The following ARHGAP1 variants were observed in gnomAD, a reference collection of about 807,000 sequenced individuals.
ARHGAP1 encodes the protein rho GTPase-activating protein 1.
In ARHGAP1, 23 loss-of-function variants were observed where a neutral mutation model predicts 52.2. That is an observed-to-expected ratio of 0.44 (90% CI 0.32 to 0.62). ARHGAP1 has a LOEUF of 0.62. ARHGAP1 is among the 20% of genes least tolerant of loss of function. The pLI, the probability that ARHGAP1 is intolerant of heterozygous loss-of-function variation, is 0.05. For synonymous variants in ARHGAP1, 210 were observed against 228.4 expected (o/e 0.92, Z 0.73); for missense variants, 480 against 560.9 (o/e 0.86, Z 1.46).
Position 46,678,494 on chromosome 11 carries a change from T to G in ARHGAP1, c.*543A>C, listed in dbSNP as rs1481592202. 6.0e-6 allele frequency: 1 copy of G among 167,762 alleles called. No individual in the cohort carries two copies. Among genetic ancestry groups the G allele is most frequent in the East Asian group, 1.9e-4 (1 of 5,342 alleles). The allele number at this position is 167,762 out of a possible 1,614,324, so 10.4% of individuals were successfully genotyped here. A position where few individuals can be genotyped will look rare whatever the true frequency, so the allele number is the denominator to read the frequency against. On this transcript the variant is annotated 3_prime_UTR_variant, in exon 13 of 13. Coordinates refer to ENST00000311956, the MANE Select transcript of ARHGAP1 (RefSeq NM_004308.5). ...CCTCAGCAGGGGAAATACCCCAGAC[T>G]GCGCTGCTGGGGGCAGTACAGGAGC...
Position 46,681,958 on chromosome 11 carries a change from G to A in ARHGAP1, c.449+93C>T. The stretch of plus-strand genomic sequence containing the variant: ...GGCAGCCCCCGCCACCCCCTGCCTT[G>A]GAATAAGCTCCTGCCCAAGTGGAGG... On this transcript the variant is annotated intron_variant, in intron 5 of 12. Transcript: ENST00000311956. This position sits in a 1 kb window ranked among gnomAD's most constrained non-coding sequence, Gnocchi z 5.7. 1 of 1,562,040 alleles carries A rather than the reference G, an allele frequency of 6.4e-7. No individual in the cohort carries two copies. Among genetic ancestry groups the A allele is most frequent in the Non-Finnish European group, 8.7e-7 (1 of 1,147,772 alleles).
In ARHGAP1 at chr11:46,680,526, T is replaced by G. The variant is rs368063556; in HGVS notation, c.781A>C (p.Ile261Leu). The stretch of plus-strand genomic sequence containing the variant: ...TAGGCAACAGTCTCCCTGAGTACAA[T>G]GGGAATGGGCTCCTGCTCTGGATTC... ...EKNPEQEPIP[I>L]VLRETVAYLQ... The change falls in exon 9 of 13, where the codon ATT becomes CTT. Residue 261 changes from isoleucine to leucine, a missense_variant. By Grantham distance (5) the Ile-to-Leu change is conservative. Transcript: ENST00000311956. The surrounding 1 kb of genome is among the most constrained non-coding windows in gnomAD (Gnocchi z 5.9). 2.1e-4 allele frequency: 332 copies of G among 1,613,910 alleles called. No homozygotes were observed. Among genetic ancestry groups the G allele is most frequent in the African/African-American group, 3.7e-4 (28 of 74,980 alleles).
chr11:46,680,391 C>T lies in ARHGAP1; in HGVS notation c.820+96G>A, dbSNP rs867261728. The stretch of plus-strand genomic sequence containing the variant: ...GCAGGGCTGGGTGGGGACGTTGAGG[C>T]TTGCAGGACCTCCCTCTGCCCTGCC... On this transcript the variant is annotated intron_variant, in intron 9 of 12. Transcript: ENST00000311956. The surrounding 1 kb of genome is among the most constrained non-coding windows in gnomAD (Gnocchi z 5.9). The T allele has an allele frequency of 2.5e-4, 391 of 1,575,016 alleles. 3 individuals carry two copies. In the Middle Eastern group the frequency reaches 2.9e-3, roughly 12 times the overall value.
chr11:46,681,001 C>A lies in ARHGAP1; in HGVS notation c.635+10G>T, dbSNP rs201828414. 75 of 1,613,230 alleles carry A rather than the reference C, an allele frequency of 4.6e-5. No individual in the cohort carries two copies. In the African/African-American group the frequency reaches 7.3e-4, roughly 16 times the overall value. On this transcript the variant is annotated intron_variant, in intron 7 of 12. Coordinates refer to ENST00000311956, the MANE Select transcript of ARHGAP1 (RefSeq NM_004308.5). The surrounding 1 kb of genome is among the most constrained non-coding windows in gnomAD (Gnocchi z 5.7). The stretch of plus-strand genomic sequence containing the variant: ...GCTTCACGAGCCCCCAGCCGCCGCA[C>A]CCGCCTCACTTGAGCACTTGGCGAG...
intron 1 of ARHGAP1, among the ~76,000 whole-genome samples, chr11:46,699,795 C>G (rs2064687249): frequency 6.6e-6 from 1 of 152,130 alleles, no homozygotes; most frequent in Admixed American, 6.5e-5. Flanking sequence ...TTACAACTCT[C>G]AACTACAATT....
chr11:46,685,954 A>C (rs1322268797), intron 4 of ARHGAP1, among the ~76,000 whole-genome samples: 1 of 148,632 alleles, frequency 6.7e-6, no homozygotes, highest in African/African-American at 2.5e-5. Flanking sequence ...GATTACAGGC[A>C]TGAGCCACCG....
chr11:46,697,871 C>A (rs2064668359), intron 1 of ARHGAP1, among the ~76,000 whole-genome samples: 2 of 152,148 alleles, frequency 1.3e-5, no homozygotes, highest in South Asian at 4.1e-4. Flanking sequence ...CCCTTCAACC[C>A]TTCAACCCTT....
At chr11:46,693,217 C>A (rs1241439805) in intron 3 of ARHGAP1, among the ~76,000 whole-genome samples, 2 of 151,616 alleles carry the variant, frequency 1.3e-5, no homozygotes, top group African/African-American at 4.9e-5. Context: ...AGGCTGGTCT[C>A]GAACTCCTGA....
chr11:46,681,347 A>G lies in ARHGAP1; in HGVS notation c.482T>C (p.Val161Ala). 1 of 1,613,676 alleles carries G rather than the reference A, an allele frequency of 6.2e-7. No individual in the cohort carries two copies. The highest frequency in any genetic ancestry group is 8.5e-7 in the Non-Finnish European group (1 of 1,179,578). The change falls in exon 6 of 13, where the codon GTG (valine) becomes GCG (alanine). Residue 161 changes from valine (V) to alanine (A), a missense_variant. Val to Ala is a moderately conservative substitution (Grantham distance 64, BLOSUM62 0). Transcript: ENST00000311956. This position sits in a 1 kb window ranked among gnomAD's most constrained non-coding sequence, Gnocchi z 5.7. Reference protein sequence around the residue: ...YKKNIKALYIVHPTMFIKTLL... With the variant: ...YKKNIKALYIAHPTMFIKTLL... ...AGTTTTGATGAACATGGTTGGATGCACGATGTACAAGGCCTTGATGTTTTT... is the reference window on the plus strand; with the variant it reads ...AGTTTTGATGAACATGGTTGGATGCGCGATGTACAAGGCCTTGATGTTTTT...
At chr11:46,698,646 G>C (rs952019941) in intron 1 of ARHGAP1, among the ~76,000 whole-genome samples, 22 of 151,018 alleles carry the variant, frequency 1.5e-4, no homozygotes, top group Middle Eastern at 3.5e-3. Context: ...AGCTGGGGTG[G>C]ATGTGAAGGA....
Position 46,680,412 on chromosome 11 carries a change from CT to C in ARHGAP1, c.820+74del. 1 of 1,593,842 alleles carries C rather than the reference CT, an allele frequency of 6.3e-7. No individual in the cohort carries two copies. Among genetic ancestry groups the C allele is most frequent in the Non-Finnish European group, 8.6e-7 (1 of 1,162,432 alleles). ...GAGGCTTGCAGGACCTCCCTCTGCC[CT>C]GCCCAGCAGCTTCCCCAGCTTCCTG... On this transcript the variant is annotated intron_variant, in intron 9 of 12. Coordinates refer to ENST00000311956, the MANE Select transcript of ARHGAP1 (RefSeq NM_004308.5). This position sits in a 1 kb window ranked among gnomAD's most constrained non-coding sequence, Gnocchi z 5.9.
intron 3 of ARHGAP1, among the ~76,000 whole-genome samples, chr11:46,693,419 T>TC (rs397757454): frequency 5.9e-5 from 9 of 151,540 alleles, no homozygotes; most frequent in Non-Finnish European, 1.2e-4. Context: ...TTTTTTTTTT[T>TC]CTTTGAGCCA....
chr11:46,682,721 G>A (rs931320601), intron 4 of ARHGAP1, among the ~76,000 whole-genome samples: 3 of 152,146 alleles, frequency 2.0e-5, no homozygotes, highest in African/African-American at 7.2e-5. Flanking sequence ...TCACTCTTGA[G>A]CAGGAACTAG....
chr11:46,687,568 G>C (rs1172777937), intron 4 of ARHGAP1: 1 of 152,440 alleles, frequency 6.6e-6, no homozygotes, highest in African/African-American at 2.4e-5. Flanking sequence ...CACACCCCGA[G>C]GACAGCAGCA....
At chr11:46,697,677 G>A (rs1396998360) in intron 1 of ARHGAP1, 2 of 152,362 alleles carry the variant, frequency 1.3e-5, no homozygotes, top group African/African-American at 2.4e-5. Context: ...GCCAACCAGC[G>A]AAAACAGCCC....
At chr11:46,697,246 G>C (rs1181390616) in intron 1 of ARHGAP1, 1 of 152,284 alleles carries the variant, frequency 6.6e-6, no homozygotes, top group African/African-American at 2.4e-5. Context: ...TGCAGCCTGG[G>C]GGTAGGCACC....
At chr11:46,695,431 T>C (rs1260852496) in intron 3 of ARHGAP1, 10 of 620,970 alleles carry the variant, frequency 1.6e-5, no homozygotes, top group Non-Finnish European at 3.0e-5. Flanking sequence ...CTGACATGCA[T>C]TCATTATTGT....
chr11:46,679,057 G>C lies in ARHGAP1; in HGVS notation c.1300C>G (p.Pro434Ala). ...LDHQGELFPS[P>A]DPSGL is the part of the protein sequence containing the mutation. ...CAGGTTCAGAGCCCGCTGGGGTCCG[G>C]GCTTGGGAACAGCTCCCCTTGGTGA... is the stretch of plus-strand genomic sequence containing the variant. The change falls in exon 13 of 13, where the codon CCG becomes GCG. Residue 434 changes from proline to alanine, a missense_variant. Pro to Ala is a conservative substitution (Grantham distance 27). Transcript: ENST00000311956. This position sits in a 1 kb window ranked among gnomAD's most constrained non-coding sequence, Gnocchi z 4.4. 1 of 1,614,194 alleles carries C rather than the reference G, an allele frequency of 6.2e-7. No individual in the cohort carries two copies. The highest frequency in any genetic ancestry group is 2.2e-5 in the East Asian group (1 of 44,884).
intron 3 of ARHGAP1, among the ~76,000 whole-genome samples, chr11:46,690,049 C>T (rs1197795571): frequency 6.6e-6 from 1 of 152,142 alleles, no homozygotes; most frequent in African/African-American, 2.4e-5. Context: ...CTGACAATCG[C>T]TTTCTGATTT....
Sources: allele counts gnomAD v4.1 joint callset (sites outside exome capture counted in the v4.1 genomes callset), GRCh38; gene constraint gnomAD v4.1.1; non-coding constraint Gnocchi (gnomAD v3.1); transcripts MANE v1.5; gene names NCBI Gene and HGNC (gene_info 2026-07-23, HGNC 2026-07-21).